The following EXTL3 variants were observed in gnomAD, a reference collection of about 807,000 sequenced individuals.
EXTL3 encodes the protein exostosin-like 3.
EXTL3 carries 27 observed loss-of-function variants against 69.3 expected under a neutral mutation model. The observed-to-expected ratio is 0.39, with a 90% CI of 0.29 to 0.54. EXTL3 has a LOEUF of 0.54. Among genes scored for constraint, EXTL3 ranks in the 20% least tolerant of loss-of-function variants. EXTL3 has a pLI of 0.69. For synonymous variants in EXTL3, 511 were observed against 499.4 expected (o/e 1.02, Z -0.31); for missense variants, 1,003 against 1,231.8 (o/e 0.81, Z 2.78).
chr8:28,622,644 G>C (rs140925790), upstream of EXTL3: 17,105 of 150,276 alleles, frequency 0.11, 2,822 homozygotes, highest in African/African-American at 0.37. Flanking sequence ...AGCCTCCCAG[G>C]GGGCAGTGGG....
chr8:28,653,526 T>C (rs1806959483), intron 1 of EXTL3, among the ~76,000 whole-genome samples: 1 of 152,216 alleles, frequency 6.6e-6, no homozygotes, highest in Admixed American at 6.5e-5. Context: ...AGGCTTTTGA[T>C]TCACTGTTAG....
At chr8:28,615,654 A>G (rs1806321635) in intron 2 of EXTL3, among the ~76,000 whole-genome samples, 1 of 151,580 alleles carries the variant, frequency 6.6e-6, no homozygotes, top group Non-Finnish European at 1.5e-5. Flanking sequence ...TGCAACCTCC[A>G]CCTCCTGGGT....
chr8:28,617,306 C>T (rs965338089), intron 2 of EXTL3, among the ~76,000 whole-genome samples: 6 of 152,078 alleles, frequency 3.9e-5, no homozygotes, highest in African/African-American at 1.4e-4. Flanking sequence ...GAAATAAGAT[C>T]TTATGTGGAG....
intron 1 of EXTL3, among the ~76,000 whole-genome samples, chr8:28,626,277 G>C (rs975219413): frequency 2.0e-5 from 3 of 152,028 alleles, no homozygotes; most frequent in African/African-American, 4.8e-5. Context: ...AAGAGGACGG[G>C]GTCACACCAT....
chr8:28,711,954 T>G (rs1801038807), intron 1 of EXTL3, among the ~76,000 whole-genome samples: 1 of 152,172 alleles, frequency 6.6e-6, no homozygotes, highest in African/African-American at 2.4e-5. Context: ...TGCTGGACAC[T>G]GGGCTGGGTG....
intron 1 of EXTL3, among the ~76,000 whole-genome samples, chr8:28,633,965 A>T (rs761154332): frequency 2.0e-5 from 3 of 152,138 alleles, no homozygotes; most frequent in African/African-American, 4.8e-5. Context: ...GACTTTTCAG[A>T]CACGGAATCT....
intron 1 of EXTL3, among the ~76,000 whole-genome samples, chr8:28,633,237 C>A (rs1806598544): frequency 1.3e-5 from 2 of 152,118 alleles, no homozygotes; most frequent in African/African-American, 4.8e-5. Context: ...ACTCAGGAGG[C>A]TGAGGCGGGA....
intron 1 of EXTL3, among the ~76,000 whole-genome samples, chr8:28,663,520 T>C (rs1397592870): frequency 6.6e-6 from 1 of 152,108 alleles, no homozygotes; most frequent in Non-Finnish European, 1.5e-5. Context: ...GGCGTGATCT[T>C]GGCTCACCGC....
At position 28,750,548 on chromosome 8, in the gene EXTL3, G is replaced by A; in HGVS notation, c.2551-109G>A. On this transcript the variant is annotated intron_variant, in intron 6 of 6. Transcript: ENST00000220562. The surrounding 1 kb of genome is among the most constrained non-coding windows in gnomAD (Gnocchi z 5.2). ...TGCTCTGCAGGGATGTTGCCCCTGA[G>A]GGGATCAGCGTCTTCACCATGGACA... The A allele has an allele frequency of 4.4e-6, 4 of 909,778 alleles. No individual in the cohort carries two copies. The highest frequency in any genetic ancestry group is 4.1e-5 in the South Asian group (3 of 73,406). The allele number at this position is 909,778 out of a possible 1,614,324, so 56.4% of individuals were successfully genotyped here.
intron 1 of EXTL3, among the ~76,000 whole-genome samples, chr8:28,659,587 C>T (rs1807074669): frequency 6.6e-6 from 1 of 152,278 alleles, no homozygotes; most frequent in Admixed American, 6.5e-5. Flanking sequence ...TTGCTTACTT[C>T]TATGTCAGCT....
chr8:28,696,154 C>G (rs1049644399), intron 1 of EXTL3: 2 of 152,162 alleles, frequency 1.3e-5, no homozygotes, highest in Admixed American at 6.5e-5. Context: ...ATCAGCCTCC[C>G]AAAGTGCTAG....
At chr8:28,733,539 C>T (rs1456737867) in intron 4 of EXTL3, among the ~76,000 whole-genome samples, 3 of 151,684 alleles carry the variant, frequency 2.0e-5, no homozygotes. Context: ...GCTCACATTA[C>T]CACACCTGGC....
chr8:28,733,142 A>G (rs1333450683), intron 4 of EXTL3, among the ~76,000 whole-genome samples: 1 of 152,020 alleles, frequency 6.6e-6, no homozygotes, highest in Admixed American at 6.6e-5. Flanking sequence ...TTGTATGAAC[A>G]TGTCATTCCT....
intron 1 of EXTL3, among the ~76,000 whole-genome samples, chr8:28,650,219 T>C (rs1206170496): frequency 7.1e-6 from 1 of 141,318 alleles, no homozygotes; most frequent in Non-Finnish European, 1.5e-5. Flanking sequence ...AAAAAAAAAA[T>C]CCAGATGTTG....
intron 1 of EXTL3, among the ~76,000 whole-genome samples, chr8:28,627,494 A>G (rs1806511119): frequency 6.6e-6 from 1 of 152,014 alleles, no homozygotes; most frequent in Admixed American, 6.6e-5. Context: ...GTCTCAAAAA[A>G]AAAAAAAAAA....
chr8:28,732,236 A>G lies in EXTL3; in HGVS notation c.2276+886A>G, dbSNP rs182126484. ...GAAGGCTACTCCAGGTATCTCAGGG[A>G]CTGGGATGTTGGTTTAGGGACAGTT... On this transcript the variant is annotated intron_variant, in intron 4 of 6. Transcript: ENST00000220562. Among the ~76,000 whole-genome samples, 13 of 152,260 alleles carry G rather than the reference A, an allele frequency of 8.5e-5. No homozygotes were observed. In the East Asian group the frequency reaches 2.3e-3, roughly 27 times the overall value.
At chr8:28,689,048 C>T (rs917272976) in intron 1 of EXTL3, among the ~76,000 whole-genome samples, 1 of 152,202 alleles carries the variant, frequency 6.6e-6, no homozygotes, top group Non-Finnish European at 1.5e-5. Context: ...CTTATGGTTT[C>T]TTTGGCTTTG....
Position 28,752,057 on chromosome 8 carries a change from C to T in EXTL3, c.*1191C>T, listed in dbSNP as rs1802019265. 1 of 152,340 alleles carries T rather than the reference C, an allele frequency of 6.6e-6. No individual in the cohort carries two copies. The allele number at this position is 152,340 out of a possible 1,614,324, so 9.4% of individuals were successfully genotyped here. A position where few individuals can be genotyped will look rare whatever the true frequency, so the allele number is the denominator to read the frequency against. ...TGTGTTATCTGTGGTTTTTGGACCC[C>T]TAATGTCAGCTTGGCTGTAGGACTC... On this transcript the variant is annotated 3_prime_UTR_variant, in exon 7 of 7. Transcript: ENST00000220562.
intron 6 of EXTL3, among the ~76,000 whole-genome samples, chr8:28,745,577 TC>T (rs1304801553): frequency 6.6e-6 from 1 of 152,188 alleles, no homozygotes; most frequent in Non-Finnish European, 1.5e-5. Context: ...TCCTTATATA[TC>T]CTTTCTTATG....
Sources: gnomAD v4.1 joint callset for allele counts (sites outside exome capture counted in the v4.1 genomes callset) on GRCh38, gnomAD v4.1.1 for gene constraint, Gnocchi (gnomAD v3.1) non-coding constraint, MANE v1.5 for transcripts, NCBI Gene and HGNC (gene_info 2026-07-23, HGNC 2026-07-21) for gene names.